The following TTLL11 variants were observed in gnomAD, a reference collection of about 807,000 sequenced individuals.
TTLL11 encodes tubulin polyglutamylase TTLL11.
Under a neutral mutation model 51.7 loss-of-function variants are expected in TTLL11, and 42 were observed. The ratio of observed to expected loss-of-function variants is 0.81; its 90% CI spans 0.64 to 1.05. The LOEUF (loss-of-function observed/expected upper bound fraction) is 1.05. Ranked by LOEUF, TTLL11 falls within the 50% of genes least tolerant of loss-of-function variation. The pLI, the probability that TTLL11 is intolerant of heterozygous loss-of-function variation, is 0.00. For synonymous variants in TTLL11, 381 were observed against 383.5 expected (o/e 0.99, Z 0.08); for missense variants, 799 against 940.4 (o/e 0.85, Z 1.97).
intron 6 of TTLL11, among the ~76,000 whole-genome samples, chr9:121,902,437 A>T (rs1419377968): frequency 6.6e-6 from 1 of 152,230 alleles, no homozygotes; most frequent in East Asian, 1.9e-4. Flanking sequence ...CCCTCTAAGC[A>T]TTAGCTAAAC....
At chr9:121,970,255 T>A (rs1842514025) in intron 6 of TTLL11, among the ~76,000 whole-genome samples, 1 of 152,204 alleles carries the variant, frequency 6.6e-6, no homozygotes, top group Admixed American at 6.5e-5. Flanking sequence ...TCCTTCCCAA[T>A]GGTCCTATGC....
chr9:121,898,240 G>A (rs117810552), intron 6 of TTLL11, among the ~76,000 whole-genome samples: 1,603 of 152,282 alleles, frequency 0.011, 95 homozygotes, highest in Admixed American at 0.089. Context: ...AAAACCTGCT[G>A]TCACCACCCC....
At chr9:121,920,330 T>C (rs1320069059) in intron 6 of TTLL11, among the ~76,000 whole-genome samples, 1 of 152,110 alleles carries the variant, frequency 6.6e-6, no homozygotes, top group Non-Finnish European at 1.5e-5. Flanking sequence ...AAATTCAATG[T>C]TTCTGGTAAT....
intron 1 of TTLL11, among the ~76,000 whole-genome samples, chr9:122,090,773 C>CA (rs1283827478): frequency 6.6e-6 from 1 of 151,950 alleles, no homozygotes; most frequent in African/African-American, 2.4e-5. Flanking sequence ...AATAAACAAG[C>CA]AATACATAAT....
chr9:121,911,943 T>TA (rs1446232963), intron 6 of TTLL11, among the ~76,000 whole-genome samples: 3 of 151,908 alleles, frequency 2.0e-5, no homozygotes, highest in Non-Finnish European at 2.9e-5. Flanking sequence ...AAAAAAATTT[T>TA]AAAAAAAAGA....
intron 4 of TTLL11, among the ~76,000 whole-genome samples, chr9:121,975,585 A>T (rs1386026918): frequency 2.0e-5 from 3 of 152,108 alleles, no homozygotes; most frequent in Non-Finnish European, 4.4e-5. Context: ...CGTGGCGCGA[A>T]TCTGTAATCC....
Position 121,996,382 on chromosome 9 carries a change from CCTT to C in TTLL11, c.694-6615_694-6613del, listed in dbSNP as rs531365970. On this transcript the variant is annotated intron_variant, in intron 3 of 8. Coordinates refer to ENST00000321582, the MANE Select transcript of TTLL11 (RefSeq NM_001139442.2). Reference sequence around the variant, plus strand: ...ACAGACATCTTTTCCTTCCCAAAGTCCTTCTCCATATTGAGCTTCCCCATATCT... The same window carrying C: ...ACAGACATCTTTTCCTTCCCAAAGTCCTCCATATTGAGCTTCCCCATATCT... 9.8e-5 allele frequency among the ~76,000 whole-genome samples: 15 copies of C among 152,294 alleles called. 1 individual carries two copies. The South Asian group carries it at 3.1e-3, about 32-fold the overall frequency.
At chr9:121,857,222 TC>T (rs1303493273) in intron 8 of TTLL11, among the ~76,000 whole-genome samples, 4 of 152,194 alleles carry the variant, frequency 2.6e-5, no homozygotes, top group Non-Finnish European at 4.4e-5. Flanking sequence ...TCCAGTTCTG[TC>T]CTCCCAGCAG....
intron 2 of TTLL11, among the ~76,000 whole-genome samples, chr9:122,033,445 CA>C (rs1844615471): frequency 1.3e-5 from 2 of 152,216 alleles, no homozygotes; most frequent in South Asian, 4.1e-4. Flanking sequence ...ATATCATTGC[CA>C]AAAATGGTGG....
chr9:121,957,900 GAGA>G (rs767719606), intron 6 of TTLL11, among the ~76,000 whole-genome samples: 11 of 152,362 alleles, frequency 7.2e-5, no homozygotes, highest in Non-Finnish European at 1.2e-4. Context: ...GGATTGGGAA[GAGA>G]AGGAGGGGCT....
chr9:121,910,119 G>A (rs775734182), intron 6 of TTLL11, among the ~76,000 whole-genome samples: 2 of 152,176 alleles, frequency 1.3e-5, no homozygotes, highest in Non-Finnish European at 2.9e-5. Context: ...TTGCTCACAC[G>A]ATACAGCGTT....
Position 121,817,454 on chromosome 9 carries a change from CA to C in TTLL11, c.*5132del, listed in dbSNP as rs1284231807. 6.6e-6 allele frequency: 1 copy of C among 152,222 alleles called. No homozygotes were observed. Among genetic ancestry groups the C allele is most frequent in the Admixed American group, 6.5e-5 (1 of 15,280 alleles). 9.4% of individuals were successfully genotyped at this position (152,222 alleles called of 1,614,324 possible). On this transcript the variant is annotated 3_prime_UTR_variant, in exon 9 of 9. Transcript: ENST00000321582. ...TACGTTTGAGCAGCGCCTTCGTTTA[CA>C]AAACACTTTCACATTGATGACATTT...
Position 121,870,522 on chromosome 9 carries a change from G to A in TTLL11, c.1708C>T (p.Pro570Ser). ...LGIKGTMKLG[P>S]TGFRTFIRSC... ...CTTATGAAGGTACGAAAGCCTGTTG[G>A]CCCCAACTTCATTGTCCCCTTGATG... Residue 570 changes from proline to serine, a missense_variant, in exon 7 of 9, where the codon CCA becomes TCA. Around this residue, in one of 3 missense-constraint regions of TTLL11, gnomAD observed 468 missense variants for 612.8 expected, o/e 0.76. Transcript: ENST00000321582. 6.4e-7 allele frequency: 1 copy of A among 1,551,606 alleles called. No homozygotes were observed. The highest frequency in any genetic ancestry group is 8.7e-7 in the Non-Finnish European group (1 of 1,146,982).
intron 1 of TTLL11, among the ~76,000 whole-genome samples, chr9:122,041,580 G>C (rs1348384557): frequency 6.6e-6 from 1 of 152,076 alleles, no homozygotes; most frequent in Admixed American, 6.6e-5. Context: ...AAAGTTGCAG[G>C]ATACAAAATC....
intron 6 of TTLL11, among the ~76,000 whole-genome samples, chr9:121,954,401 T>C (rs1176441943): frequency 6.6e-6 from 1 of 152,194 alleles, no homozygotes; most frequent in Non-Finnish European, 1.5e-5. Context: ...ATGCTAGCAA[T>C]GAATCCAGGC....
chr9:121,933,455 C>T (rs1256701846), intron 6 of TTLL11, among the ~76,000 whole-genome samples: 1 of 152,054 alleles, frequency 6.6e-6, no homozygotes. Context: ...GTTTTGGGAA[C>T]ATTAGGAGTG....
chr9:121,927,333 T>C (rs568932962), intron 6 of TTLL11, among the ~76,000 whole-genome samples: 1 of 152,372 alleles, frequency 6.6e-6, no homozygotes, highest in South Asian at 2.1e-4. Flanking sequence ...GAAGTATTTT[T>C]ATAACCATTA....
At chr9:121,922,926 T>C (rs909195898) in intron 6 of TTLL11, among the ~76,000 whole-genome samples, 6 of 152,188 alleles carry the variant, frequency 3.9e-5, no homozygotes, top group African/African-American at 1.4e-4. Context: ...CCACCCTCAT[T>C]AACAACCAAA....
intron 1 of TTLL11, among the ~76,000 whole-genome samples, chr9:122,066,361 A>T (rs1845582130): frequency 6.6e-6 from 1 of 152,050 alleles, no homozygotes; most frequent in South Asian, 2.1e-4. Flanking sequence ...GTTTAATCAA[A>T]GGTGCAGGGG....
Sources: gnomAD v4.1 joint callset for allele counts (sites outside exome capture counted in the v4.1 genomes callset) on GRCh38, gnomAD v4.1.1 for gene constraint, gnomAD v4.1.1 regional missense constraint, MANE v1.5 for transcripts, NCBI Gene and HGNC (gene_info 2026-07-23, HGNC 2026-07-21) for gene names.